Variants in ZSWIM7 observed in about 807,000 individuals in gnomAD.
ZSWIM7 encodes zinc finger SWIM domain-containing protein 7.
In ZSWIM7, 22 loss-of-function variants were observed where a neutral mutation model predicts 21.1. The observed-to-expected ratio is 1.04, with a 90% confidence interval of 0.74 to 1.49. The LOEUF is 1.49. Among genes scored for constraint, ZSWIM7 ranks in the 40% most tolerant of loss-of-function variants. The probability of loss-of-function intolerance (pLI) is 0.00; values close to 1 mark genes in which losing one functional copy is unlikely to be tolerated. For missense variants in ZSWIM7, 193 were observed against 168.0 expected (o/e 1.15, Z -0.82); for synonymous variants, 67 against 66.5 (o/e 1.01, Z -0.04).
chr17:15,977,917 G>A lies in ZSWIM7; in HGVS notation c.*130C>T. ...ACCCACAGCACCTCCTGCAGTCCTGGAGGGAAAAGGGACAGTAACATGAAG... is the reference window on the plus strand; with the variant it reads ...ACCCACAGCACCTCCTGCAGTCCTGAAGGGAAAAGGGACAGTAACATGAAG... On this transcript the variant is annotated 3_prime_UTR_variant, in exon 5 of 5. Transcript: ENST00000399277. 1 of 780,616 alleles carries A rather than the reference G, an allele frequency of 1.3e-6. No homozygotes were observed. The highest frequency in any genetic ancestry group is 1.6e-5 in the South Asian group (1 of 63,052). 48.4% of individuals were successfully genotyped at this position (780,616 alleles called of 1,614,324 possible). A position where few individuals can be genotyped will look rare whatever the true frequency, so the allele number is the denominator to read the frequency against.
At chr17:15,993,987 CA>C (rs1488377433) in intron 1 of ZSWIM7, among the ~76,000 whole-genome samples, 1 of 152,134 alleles carries the variant, frequency 6.6e-6, no homozygotes, top group Admixed American at 6.5e-5. Flanking sequence ...CTTGTCCTGT[CA>C]CCCAGGCTGG....
At chr17:15,979,869 CG>C (rs1172495586) in intron 4 of ZSWIM7, among the ~76,000 whole-genome samples, 1 of 37,864 alleles carries the variant, frequency 2.6e-5, no homozygotes, top group Admixed American at 2.2e-4. Flanking sequence ...GCTGGCCGGG[CG>C]GGGGGCTGAC....
In ZSWIM7 at chr17:15,981,101, C is replaced by G. The variant is rs375620196; in HGVS notation, c.245G>C (p.Cys82Ser). 3 of 1,613,778 alleles carry G rather than the reference C, an allele frequency of 1.9e-6. No homozygotes were observed. The African/African-American group carries it at 4.0e-5, about 22-fold the overall frequency. The change falls in exon 4 of 5, where the codon TGT (cysteine) becomes TCT (serine). Residue 82 changes from cysteine (C) to serine (S), a missense_variant. Physicochemically the swap from Cys to Ser is moderately radical, Grantham distance 112. Coordinates refer to ENST00000399277, the MANE Select transcript of ZSWIM7 (RefSeq NM_001042697.2). ...AAATGCAGGACATGAACAGTAATGA[C>G]AAGAAGCCAAACATGTGTATGTTTT... is the stretch of plus-strand genomic sequence containing the variant. The part of the protein sequence containing the change: ...SSKTYTCLAS[C>S]HYCSCPAFAF...
Position 15,977,893 on chromosome 17 carries a change from C to A in ZSWIM7, c.*154G>T. 4.6e-6 allele frequency: 3 copies of A among 645,472 alleles called. 1 individual carries two copies. Among genetic ancestry groups the A allele is most frequent in the Middle Eastern group, 8.8e-4 (2 of 2,284 alleles). 40.0% of individuals were successfully genotyped at this position (645,472 alleles called of 1,614,324 possible). ...AACCCTCCACAGCCCACGGCTCCAA[C>A]CCACAGCACCTCCTGCAGTCCTGGA... On this transcript the variant is annotated 3_prime_UTR_variant, in exon 5 of 5. Coordinates refer to ENST00000399277, the MANE Select transcript of ZSWIM7 (RefSeq NM_001042697.2).
At chr17:15,997,245 A>G (rs964270598) in intron 1 of ZSWIM7, among the ~76,000 whole-genome samples, 2 of 152,168 alleles carry the variant, frequency 1.3e-5, no homozygotes, top group East Asian at 3.8e-4. Context: ...GAGAATTCCC[A>G]GATAATAATG....
intron 2 of ZSWIM7, among the ~76,000 whole-genome samples, chr17:15,991,913 T>G (rs538406197): frequency 0.036 from 2,185 of 61,050 alleles, 83 homozygotes; most frequent in African/African-American, 0.081. Flanking sequence ...TGTTTTTTTT[T>G]GTTTGTTTTG....
At chr17:15,999,437 C>CGCCTCCT (rs1970635374) in intron 1 of ZSWIM7, 82 bp downstream of exon 1, 4 of 1,537,196 alleles carry the variant, frequency 2.6e-6, no homozygotes, top group East Asian at 2.3e-5. Flanking sequence ...CCGGACACCC[C>CGCCTCCT]GCCTCCTGCC....
Position 15,981,147 on chromosome 17 carries a change from A to T in ZSWIM7, c.202-3T>A. 1 of 1,611,780 alleles carries T rather than the reference A, an allele frequency of 6.2e-7. No homozygotes were observed. The highest frequency in any genetic ancestry group is 8.5e-7 in the Non-Finnish European group (1 of 1,178,068). On this transcript the variant is annotated splice_region_variant and splice_polypyrimidine_tract_variant and intron_variant, in intron 3 of 4. Transcript: ENST00000399277. ...GTTTTACTGGAACTTCCAAGGACCT[A>T]CAAAGAAAGGATAGATGGGATCAGA...
At chr17:15,996,880 C>G (rs893089178) in intron 1 of ZSWIM7, among the ~76,000 whole-genome samples, 1 of 150,938 alleles carries the variant, frequency 6.6e-6, no homozygotes, top group Non-Finnish European at 1.5e-5. Flanking sequence ...TTACATGGGC[C>G]GGGTGCGGTG....
chr17:15,981,675 G>A (rs1038710663), intron 3 of ZSWIM7, among the ~76,000 whole-genome samples: 9 of 152,096 alleles, frequency 5.9e-5, no homozygotes, highest in Non-Finnish European at 1.3e-4. Flanking sequence ...TTGGGAGGTC[G>A]AGGTGGGAGG....
At chr17:15,993,603 T>C (rs932208381) in intron 2 of ZSWIM7, among the ~76,000 whole-genome samples, 154 bp downstream of exon 2, 1 of 151,728 alleles carries the variant, frequency 6.6e-6, no homozygotes, top group Non-Finnish European at 1.5e-5. Context: ...CCTGACTTCA[T>C]GATCCACTCA....
At chr17:15,981,641 C>G (rs1425977977) in intron 3 of ZSWIM7, among the ~76,000 whole-genome samples, 1 of 152,034 alleles carries the variant, frequency 6.6e-6, no homozygotes, top group Non-Finnish European at 1.5e-5. Context: ...GGTGTGGTGG[C>G]TCAAAGCCTG....
intron 1 of ZSWIM7, among the ~76,000 whole-genome samples, chr17:15,997,419 A>G (rs1970569264): frequency 6.6e-6 from 1 of 152,230 alleles, no homozygotes; most frequent in Non-Finnish European, 1.5e-5. Flanking sequence ...GTGAGGTTAA[A>G]GTAGGAATAA....
At chr17:15,980,787 CT>C (rs928164480) in intron 4 of ZSWIM7, among the ~76,000 whole-genome samples, 9 of 152,090 alleles carry the variant, frequency 5.9e-5, no homozygotes, top group African/African-American at 1.9e-4. Flanking sequence ...CTGGGATTCC[CT>C]TTTTTTCCTT....
At chr17:15,996,933 T>C (rs1597443636) in intron 1 of ZSWIM7, among the ~76,000 whole-genome samples, 2 of 151,346 alleles carry the variant, frequency 1.3e-5, no homozygotes, top group Non-Finnish European at 2.9e-5. Flanking sequence ...CCAAGGCAGG[T>C]GGACCTCTTG....
chr17:15,989,117 T>C (rs1300995592), intron 2 of ZSWIM7, among the ~76,000 whole-genome samples: 1 of 152,156 alleles, frequency 6.6e-6, no homozygotes, highest in African/African-American at 2.4e-5. Flanking sequence ...ATGTTGCCCA[T>C]CTGAAGATAA....
chr17:15,996,217 C>T (rs918476722), intron 1 of ZSWIM7, among the ~76,000 whole-genome samples: 4 of 152,126 alleles, frequency 2.6e-5, no homozygotes, highest in Non-Finnish European at 4.4e-5. Flanking sequence ...GCAGGAGAAT[C>T]CCTTGAACCC....
Position 15,993,758 on chromosome 17 carries a change from A to G in ZSWIM7, c.97T>C (p.Ser33Pro), listed in dbSNP as rs1388153090. 2.0e-6 allele frequency: 3 copies of G among 1,501,016 alleles called. No individual in the cohort carries two copies. Among genetic ancestry groups the G allele is most frequent in the Non-Finnish European group, 2.8e-6 (3 of 1,086,036 alleles). The allele number at this position is 1,501,016 out of a possible 1,614,324, so 93.0% of individuals were successfully genotyped here. A position where few individuals can be genotyped will look rare whatever the true frequency, so the allele number is the denominator to read the frequency against. The change falls in exon 2 of 5, where the codon TCG (serine) becomes CCG (proline). Residue 33 changes from serine to proline, a missense_variant and splice_region_variant. Transcript: ENST00000399277. ...AAATACAACAGTATATGTACTTACGATAACAGATATTCATCAGGAACTGTA... is the reference window on the plus strand; with the variant it reads ...AAATACAACAGTATATGTACTTACGGTAACAGATATTCATCAGGAACTGTA... ...SARIPDEYLL[S>P]LKFLFGSSAT...
intron 4 of ZSWIM7, among the ~76,000 whole-genome samples, chr17:15,979,384 ACTT>A (rs1970318378): frequency 6.6e-6 from 1 of 152,156 alleles, no homozygotes; most frequent in Non-Finnish European, 1.5e-5. Flanking sequence ...TCCCATGTCT[ACTT>A]CTTTCCACAC....
Sources: gnomAD v4.1 joint callset for allele counts (sites outside exome capture counted in the v4.1 genomes callset) on GRCh38, gnomAD v4.1.1 for gene constraint, MANE v1.5 for transcripts, NCBI Gene and HGNC (gene_info 2026-07-23, HGNC 2026-07-21) for gene names.